BMP10: variants seen among roughly 807,000 people sequenced by gnomAD.
The protein encoded by BMP10 is bone morphogenetic protein 10.
Under a neutral mutation model 29.9 loss-of-function variants are expected in BMP10, and 9 were observed. That is an observed-to-expected ratio of 0.30 (90% confidence interval 0.18 to 0.53). The LOEUF (loss-of-function observed/expected upper bound fraction) is 0.53, where lower values mean the gene tolerates loss of function less well. Ranked by LOEUF, BMP10 falls within the 20% of genes least tolerant of loss-of-function variation. The probability of loss-of-function intolerance (pLI) is 0.96; values close to 1 mark genes in which losing one functional copy is unlikely to be tolerated. For synonymous variants in BMP10, 202 were observed against 200.2 expected, an observed-to-expected ratio of 1.01 and a Z score of -0.07; for missense variants, 474 against 524.3, an observed-to-expected ratio of 0.90 and a Z score of 0.94.
chr2:68,866,210 C>T lies in BMP10; in HGVS notation c.696G>A (p.Glu232=), dbSNP rs1259990575. ...VHIESKHDEA[E]DASSGRLEID... ...TTTCTAGCCGTCCACTGCTGGCATC[C>T]TCAGCTTCATCGTGTTTGCTCTCAA... The change falls in exon 2 of 2, where the codon GAG becomes GAA. Residue 232 remains glutamate (E), a synonymous_variant. Coordinates refer to ENST00000295379, the MANE Select transcript of BMP10 (RefSeq NM_014482.3). 1 of 1,613,918 alleles carries T rather than the reference C, an allele frequency of 6.2e-7. No individual in the cohort carries two copies. Among genetic ancestry groups the T allele is most frequent in the Non-Finnish European group, 8.5e-7 (1 of 1,179,998 alleles).
chr2:68,871,072 C>A lies in BMP10; in HGVS notation c.287G>T (p.Arg96Leu), dbSNP rs377683224. 1.9e-6 allele frequency: 3 copies of A among 1,613,856 alleles called. No individual in the cohort carries two copies. In the South Asian group the frequency reaches 3.3e-5, roughly 18 times the overall value. The change falls in exon 1 of 2, where the codon CGG becomes CTG. Residue 96 changes from arginine (R) to leucine (L), a missense_variant. Physicochemically the swap from Arg to Leu is moderately radical, Grantham distance 102. Transcript: ENST00000295379. ...LELYNKFATD[R>L]TSMPSANIIR... is the part of the protein sequence containing the mutation. ...GATGTTGGCAGAGGGCATGGAGGTC[C>A]GATCTGTTGCAAATTTGTTGTAGAG...
At position 68,863,730 on chromosome 2, in the gene BMP10, G is replaced by C. The variant is rs556025320; in HGVS notation, c.*1901C>G. Among the ~76,000 whole-genome samples the C allele has an allele frequency of 6.6e-6, 1 of 152,018 alleles. No homozygotes were observed. Among genetic ancestry groups the C allele is most frequent in the South Asian group, 2.1e-4 (1 of 4,826 alleles). On this transcript the variant is annotated 3_prime_UTR_variant, in exon 2 of 2. Coordinates refer to ENST00000295379, the MANE Select transcript of BMP10 (RefSeq NM_014482.3). ...ATCTAGCGAGCTGAGGTTCAAATTG[G>C]GCCTTCTTCAAAATAGTTTTCCTTG...
chr2:68,864,793 G>T lies in BMP10; in HGVS notation c.*838C>A, dbSNP rs902438800. Among the ~76,000 whole-genome samples the T allele has an allele frequency of 2.0e-5, 3 of 152,158 alleles. No individual in the cohort carries two copies. The highest frequency in any genetic ancestry group is 4.4e-5 in the Non-Finnish European group (3 of 68,026). ...AGACACATCTGAGGATAGCCTCTGA[G>T]GATAACATCAATATCCTCTTCCCTT... On this transcript the variant is annotated 3_prime_UTR_variant, in exon 2 of 2. Coordinates refer to ENST00000295379, the MANE Select transcript of BMP10 (RefSeq NM_014482.3).
At position 68,863,658 on chromosome 2, in the gene BMP10, T is replaced by C. The variant is rs137864430; in HGVS notation, c.*1973A>G. ...TACCCACTGACGGTCAAAACACCAC[T>C]CTTCCATGAGCAATGAATTCCCCAG... On this transcript the variant is annotated 3_prime_UTR_variant, in exon 2 of 2. Transcript: ENST00000295379. Among the ~76,000 whole-genome samples the C allele has an allele frequency of 6.6e-6, 1 of 152,166 alleles. No homozygotes were observed. The highest frequency in any genetic ancestry group is 2.4e-5 in the African/African-American group (1 of 41,442).
In BMP10 at chr2:68,866,682, A is replaced by G. The variant is rs1441654062; in HGVS notation, c.335-111T>C. On this transcript the variant is annotated intron_variant, in intron 1 of 1. Transcript: ENST00000295379. ...CATGCACAAAGCTTAATGCAGAAAG[A>G]ATGAAGGGAGAAAATCAATGAGAAC... 3.8e-6 allele frequency: 3 copies of G among 791,288 alleles called. No individual in the cohort carries two copies. The African/African-American group carries it at 5.2e-5, about 14-fold the overall frequency. The allele number at this position is 791,288 out of a possible 1,614,324, so 49.0% of individuals were successfully genotyped here.
rs191813630 is a variant in BMP10 at position 68,864,535 on chromosome 2, G to A, written c.*1096C>T. On this transcript the variant is annotated 3_prime_UTR_variant, in exon 2 of 2. Coordinates refer to ENST00000295379, the MANE Select transcript of BMP10 (RefSeq NM_014482.3). ...GGCCAGGGAAGAGCAGGGACACAGG[G>A]ATGGGAGGAAGGTGAGAGGCACTAG... is the stretch of plus-strand genomic sequence containing the variant. Among the ~76,000 whole-genome samples, 2 of 152,230 alleles carry A rather than the reference G, an allele frequency of 1.3e-5. No homozygotes were observed. The highest frequency in any genetic ancestry group is 2.9e-5 in the Non-Finnish European group (2 of 68,012).
At chr2:68,870,917 T>A in intron 1 of BMP10, 108 bp downstream of exon 1, 1 of 995,354 alleles carries the variant, frequency 1.0e-6, no homozygotes, top group Non-Finnish European at 1.5e-6. Context: ...GTATTTAACA[T>A]CCTTATATAG....
In BMP10 at chr2:68,861,485, A is replaced by G. The variant is rs1682859671; in HGVS notation, c.*4146T>C. On this transcript the variant is annotated 3_prime_UTR_variant, in exon 2 of 2. Transcript: ENST00000295379. ...ACCTTCCATTTAATGTAGGAAATCA[A>G]CTGTTCCTGTTTGGGGGCAAGAAAA... Among the ~76,000 whole-genome samples, 1 of 152,234 alleles carries G rather than the reference A, an allele frequency of 6.6e-6. No homozygotes were observed. The highest frequency in any genetic ancestry group is 1.5e-5 in the Non-Finnish European group (1 of 68,048).
rs1460789628 is a variant in BMP10, at chr2:68,871,028, C to T, written c.331G>A (p.Glu111Lys). The change falls in exon 1 of 2, where the codon GAA (glutamate) becomes AAA (lysine). Residue 111 changes from glutamate to lysine, a missense_variant. Physicochemically the swap from Glu to Lys is moderately conservative, Grantham distance 56 (BLOSUM62 1). Coordinates refer to ENST00000295379, the MANE Select transcript of BMP10 (RefSeq NM_014482.3). The part of the protein sequence containing the change: ...SANIIRSFKN[E>K]DLFSQPVSFN... ...AATTTCATCAGCAAAAACTTACCTTCATTCTTGAAACTCCTAATGATGTTG... is the reference window on the plus strand; with the variant it reads ...AATTTCATCAGCAAAAACTTACCTTTATTCTTGAAACTCCTAATGATGTTG... The T allele has an allele frequency of 6.2e-7, 1 of 1,604,586 alleles. No individual in the cohort carries two copies. Among genetic ancestry groups the T allele is most frequent in the East Asian group, 2.2e-5 (1 of 44,616 alleles).
At chr2:68,866,855 C>T (rs1682967819) in intron 1 of BMP10, among the ~76,000 whole-genome samples, 1 of 152,212 alleles carries the variant, frequency 6.6e-6, no homozygotes, top group Non-Finnish European at 1.5e-5. Context: ...AATAGCTCAT[C>T]AGCCACAGAA....
At chr2:68,867,746 C>A (rs1213585672) in intron 1 of BMP10, among the ~76,000 whole-genome samples, 1 of 152,062 alleles carries the variant, frequency 6.6e-6, no homozygotes, top group East Asian at 1.9e-4. Flanking sequence ...AGCATTTCCC[C>A]AAGTTTATAC....
intron 1 of BMP10, among the ~76,000 whole-genome samples, chr2:68,867,018 TA>T (rs1558685482): frequency 4.7e-4 from 71 of 152,314 alleles, no homozygotes; most frequent in African/African-American, 1.7e-3. Flanking sequence ...TTTGTGTTTG[TA>T]GTGGGTGGAG....
At position 68,863,138 on chromosome 2, in the gene BMP10, G is replaced by A. The variant is rs1210762785; in HGVS notation, c.*2493C>T. Among the ~76,000 whole-genome samples the A allele has an allele frequency of 6.6e-6, 1 of 152,202 alleles. No homozygotes were observed. The highest frequency in any genetic ancestry group is 2.4e-5 in the African/African-American group (1 of 41,462). ...CAGTGGGATACTAAATGTCAGCGGTGTGCCAGCACCAGTGCACAGCTCCCA... is the reference window on the plus strand; with the variant it reads ...CAGTGGGATACTAAATGTCAGCGGTATGCCAGCACCAGTGCACAGCTCCCA... On this transcript the variant is annotated 3_prime_UTR_variant, in exon 2 of 2. Transcript: ENST00000295379.
rs150482985 is a variant in BMP10, at chr2:68,865,925, C to T, written c.981G>A (p.Pro327=). The T allele has an allele frequency of 1.4e-4, 222 of 1,613,916 alleles. 1 individual carries two copies. The highest frequency in any genetic ancestry group is 3.9e-4 in the African/African-American group (29 of 74,894). The change falls in exon 2 of 2, where the codon CCG becomes CCA. Residue 327 remains proline (P), a synonymous_variant. Transcript: ENST00000295379. The surrounding 1 kb of genome is among the most constrained non-coding windows in gnomAD (Gnocchi z 4.7). ...NAKGNYCKRT[P]LYIDFKEIGW... The stretch of plus-strand genomic sequence containing the variant: ...CAATCTCCTTGAAGTCGATGTAGAG[C>T]GGGGTCCTCTTACAGTAGTTTCCTT...
intron 1 of BMP10, among the ~76,000 whole-genome samples, chr2:68,870,391 C>T (rs191612824): frequency 8.5e-5 from 13 of 152,304 alleles, no homozygotes; most frequent in Admixed American, 5.9e-4. Context: ...TTTATAAAGA[C>T]GGAAATGATG....
chr2:68,861,678 G>A lies in BMP10; in HGVS notation c.*3953C>T, dbSNP rs1263090538. 6.6e-6 allele frequency among the ~76,000 whole-genome samples: 1 copy of A among 152,044 alleles called. No individual in the cohort carries two copies. The highest frequency in any genetic ancestry group is 1.5e-5 in the Non-Finnish European group (1 of 68,012). On this transcript the variant is annotated 3_prime_UTR_variant, in exon 2 of 2. Coordinates refer to ENST00000295379, the MANE Select transcript of BMP10 (RefSeq NM_014482.3). ...AAAAGGTTTTGCCAGAACACTGCTA[G>A]GCTTCATAATCTGTTGATGAATCAA...
rs1393519600 is a variant in BMP10 at position 68,871,305 on chromosome 2, C to G, written c.54G>C (p.Leu18Phe). ...LCALFCLAAY[L>F]VSGSPIMNLE... ...GGTTCATGATGGGGCTGCCAGAAAC[C>G]AAGTAAGCTGCCAGGCAGAAAAGAG... The change falls in exon 1 of 2, where the codon TTG (leucine) becomes TTC (phenylalanine). Residue 18 changes from leucine (L) to phenylalanine (F), a missense_variant. Physicochemically the swap from Leu to Phe is conservative, Grantham distance 22. This residue lies in a region of BMP10 where 408 missense variants were observed against 415.3 expected (regional missense o/e 0.98). Coordinates refer to ENST00000295379, the MANE Select transcript of BMP10 (RefSeq NM_014482.3). The G allele has an allele frequency of 6.2e-7, 1 of 1,614,114 alleles. No homozygotes were observed. The highest frequency in any genetic ancestry group is 8.5e-7 in the Non-Finnish European group (1 of 1,180,002).
intron 1 of BMP10, among the ~76,000 whole-genome samples, chr2:68,866,997 G>GT (rs143668368): frequency 0.03 from 4,526 of 152,194 alleles, 235 homozygotes; most frequent in African/African-American, 0.1. Context: ...GGACTTCATG[G>GT]TTTTTTAATA....
Sources: allele counts gnomAD v4.1 joint callset (sites outside exome capture counted in the v4.1 genomes callset), GRCh38; gene constraint gnomAD v4.1.1; regional missense constraint gnomAD v4.1.1; non-coding constraint Gnocchi (gnomAD v3.1); transcripts MANE v1.5; gene names NCBI Gene and HGNC (gene_info 2026-07-23, HGNC 2026-07-21).